Variants in PCLO observed in about 807,000 individuals in gnomAD.
The protein encoded by PCLO is piccolo presynaptic cytomatrix protein.
In PCLO, 82 loss-of-function variants were observed where a neutral mutation model predicts 427.5. That is an observed-to-expected ratio of 0.19 (90% CI 0.16 to 0.23). The LOEUF is 0.23. Ranked by LOEUF, PCLO falls within the 10% of genes least tolerant of loss-of-function variation. The pLI, the probability that PCLO is intolerant of heterozygous loss-of-function variation, is 1.00. For missense variants in PCLO, 6,239 were observed against 6,115.9 expected (o/e 1.02, Z -0.67); for synonymous variants, 2,357 against 2,155.4 (o/e 1.09, Z -2.59).
At chr7:83,024,672 G>C (rs1282955825) in intron 3 of PCLO, among the ~76,000 whole-genome samples, 2 of 152,234 alleles carry the variant, frequency 1.3e-5, no homozygotes, top group African/African-American at 4.8e-5. Flanking sequence ...CAAACAAAAA[G>C]ACAGCAGTAA....
At chr7:82,906,055 G>GATAGATAGA (rs58979302) in intron 8 of PCLO, among the ~76,000 whole-genome samples, 3 of 127,162 alleles carry the variant, frequency 2.4e-5, no homozygotes, top group African/African-American at 8.7e-5. Flanking sequence ...AGATAGATAG[G>GATAGATAGA]TACACACACA....
intron 6 of PCLO, among the ~76,000 whole-genome samples, chr7:82,927,753 T>C (rs1794746582): frequency 6.6e-6 from 1 of 152,192 alleles, no homozygotes; most frequent in African/African-American, 2.4e-5. Flanking sequence ...AATATTTGTT[T>C]ACTAGGCACT....
At chr7:82,914,433 G>A in intron 7 of PCLO, 1 of 578,268 alleles carries the variant, frequency 1.7e-6, no homozygotes, top group Non-Finnish European at 3.1e-6. Context: ...TAGAAAAGCA[G>A]ACACCAAACA....
intron 22 of PCLO, among the ~76,000 whole-genome samples, chr7:82,794,556 C>G (rs188357849): frequency 2.1e-5 from 3 of 143,898 alleles, no homozygotes; most frequent in African/African-American, 7.6e-5. Flanking sequence ...ACTGCACCCT[C>G]TGCCTCCTGG....
At chr7:83,087,088 G>A (rs1249336152) in intron 3 of PCLO, among the ~76,000 whole-genome samples, 1 of 128,616 alleles carries the variant, frequency 7.8e-6, no homozygotes, top group African/African-American at 2.9e-5. Flanking sequence ...GGAAGGGGGA[G>A]GGAGGGAAAG....
intron 3 of PCLO, among the ~76,000 whole-genome samples, chr7:83,038,533 T>C (rs1205308460): frequency 6.6e-6 from 1 of 151,936 alleles, no homozygotes; most frequent in Non-Finnish European, 1.5e-5. Context: ...GTTTTAAAGA[T>C]TCACCTATGC....
intron 14 of PCLO, among the ~76,000 whole-genome samples, chr7:82,839,453 C>A (rs943498952): frequency 4.6e-5 from 7 of 151,928 alleles, no homozygotes; most frequent in African/African-American, 1.7e-4. Context: ...AAAAAGAAAG[C>A]AAAGTACCAT....
At chr7:82,989,801 C>T (rs1053140936) in intron 3 of PCLO, among the ~76,000 whole-genome samples, 7 of 151,836 alleles carry the variant, frequency 4.6e-5, no homozygotes, top group African/African-American at 7.3e-5. Context: ...CAGTTTATTC[C>T]GTGTTGAGTG....
At chr7:82,966,880 A>T (rs1429301360) in intron 3 of PCLO, among the ~76,000 whole-genome samples, 1 of 152,164 alleles carries the variant, frequency 6.6e-6, no homozygotes, top group Non-Finnish European at 1.5e-5. Flanking sequence ...TTCAAAGACT[A>T]TTATATTTCA....
At chr7:83,161,831 A>C (rs548663204) in intron 1 of PCLO, among the ~76,000 whole-genome samples, 247 of 152,322 alleles carry the variant, frequency 1.6e-3, no homozygotes, top group Non-Finnish European at 2.9e-3. Flanking sequence ...CCTTCTACCT[A>C]AACAGCTTCT....
At chr7:83,122,286 C>CTTTTTTTTTTTTTTTTTTT (rs71074624) in intron 3 of PCLO, among the ~76,000 whole-genome samples, 16 of 128,294 alleles carry the variant, frequency 1.2e-4, no homozygotes, top group Non-Finnish European at 1.9e-4. Context: ...CTTTTCTTTT[C>CTTTTTTTTTTTTTTTTTTT]TTTTTTTTTT....
chr7:83,135,726 C>T (rs1584072841), intron 2 of PCLO, 70 bp from the exon 3 acceptor site: 1 of 894,728 alleles, frequency 1.1e-6, no homozygotes, highest in East Asian at 2.7e-5. Flanking sequence ...TCAAAACATG[C>T]ATACTGCCAT....
In PCLO at chr7:83,155,047, G is replaced by C; in HGVS notation, c.1594C>G (p.Gln532Glu). The C allele has an allele frequency of 6.2e-7, 1 of 1,613,604 alleles. No individual in the cohort carries two copies. The highest frequency in any genetic ancestry group is 8.5e-7 in the Non-Finnish European group (1 of 1,179,762). ...GAGGGTTTTGCTGAGCCAGGCTGTT[G>C]AGATGGGGGTTTTGTTGAGCCAGGC... is the stretch of plus-strand genomic sequence containing the variant. The part of the protein sequence containing the change: ...QQPGSTKPPS[Q>E]QPGSAKPSAQ... Residue 532 changes from glutamine (Q) to glutamate (E), a missense_variant, in exon 2 of 25, where the codon CAA (glutamine) becomes GAA (glutamate). Physicochemically the swap from Gln to Glu is conservative, Grantham distance 29 (BLOSUM62 2). Transcript: ENST00000333891.
intron 3 of PCLO, among the ~76,000 whole-genome samples, chr7:82,971,840 A>G (rs1031054333): frequency 1.3e-5 from 2 of 151,168 alleles, no homozygotes; most frequent in African/African-American, 4.8e-5. Flanking sequence ...GGAGGCTTTA[A>G]AAAAACATGC....
chr7:83,067,317 G>A (rs1789693308), intron 3 of PCLO, among the ~76,000 whole-genome samples: 2 of 152,046 alleles, frequency 1.3e-5, no homozygotes, highest in Non-Finnish European at 2.9e-5. Context: ...TCCTAGTTAG[G>A]AGCTTCCTCC....
At chr7:82,867,156 T>C (rs1428413841) in intron 10 of PCLO, among the ~76,000 whole-genome samples, 1 of 152,096 alleles carries the variant, frequency 6.6e-6, no homozygotes, top group Non-Finnish European at 1.5e-5. Flanking sequence ...TCCCAGAACT[T>C]TGGGAGGCTG....
At chr7:82,821,492 A>C in intron 20 of PCLO, 1 of 985,378 alleles carries the variant, frequency 1.0e-6, no homozygotes, top group Non-Finnish European at 1.2e-6. Context: ...GACTAGGGAG[A>C]TGGAGAGAAC....
intron 3 of PCLO, among the ~76,000 whole-genome samples, chr7:83,000,746 C>A (rs1196816354): frequency 6.6e-6 from 1 of 151,872 alleles, no homozygotes; most frequent in East Asian, 1.9e-4. Context: ...ACGACCTCAG[C>A]TTTAGACAAA....
chr7:82,879,615 C>G (rs1793453862), intron 9 of PCLO, among the ~76,000 whole-genome samples, 153 bp from the exon 10 acceptor site: 1 of 152,116 alleles, frequency 6.6e-6, no homozygotes, highest in African/African-American at 2.4e-5. Context: ...GTATGTTATT[C>G]TGATTTTGAT....
Sources: allele counts gnomAD v4.1 joint callset (sites outside exome capture counted in the v4.1 genomes callset), GRCh38; gene constraint gnomAD v4.1.1; transcripts MANE v1.5; gene names NCBI Gene and HGNC (gene_info 2026-07-23, HGNC 2026-07-21).